The following SRP54 variants were observed in gnomAD, a reference collection of about 807,000 sequenced individuals.
SRP54 encodes signal recognition particle subunit SRP54.
A neutral mutation model predicts 64.8 loss-of-function variants in SRP54; 10 were observed. The ratio of observed to expected loss-of-function variants is 0.15; its 90% confidence interval spans 0.10 to 0.26. The LOEUF (loss-of-function observed/expected upper bound fraction) is 0.26. Among genes scored for constraint, SRP54 ranks in the 10% least tolerant of loss-of-function variants. SRP54 has a pLI of 1.00. For synonymous variants in SRP54, 193 were observed against 185.6 expected, an observed-to-expected ratio of 1.04 and a Z score of -0.32; for missense variants, 325 against 613.7, an observed-to-expected ratio of 0.53 and a Z score of 4.97.
chr14:34,988,594 T>TATATATAA lies in SRP54; in HGVS notation c.-34+5380_-34+5381insTATATAAA, dbSNP rs1420297304. Among the ~76,000 whole-genome samples the TATATATAA allele has an allele frequency of 4.9e-4, 59 of 119,342 alleles. 1 individual carries two copies. Among genetic ancestry groups the TATATATAA allele is most frequent in the African/African-American group, 1.8e-3 (59 of 33,146 alleles). The allele number at this position is 119,342 out of a possible 152,430, so 78.3% of individuals were successfully genotyped here. A position where few individuals can be genotyped will look rare whatever the true frequency, so the allele number is the denominator to read the frequency against. ...AAAAAAAAAAATATATATATATATA[T>TATATATAA]AACATATATATATATAATGTATATA... On this transcript the variant is annotated intron_variant, in intron 1 of 15. Coordinates refer to ENST00000216774, the MANE Select transcript of SRP54 (RefSeq NM_003136.4).
At chr14:35,014,290 T>TTTTTTTTTTTTTTTTTTTTTTTGTTTTTG (rs376712278) in intron 10 of SRP54, among the ~76,000 whole-genome samples, 1 of 127,284 alleles carries the variant, frequency 7.9e-6, no homozygotes, top group East Asian at 2.7e-4. Flanking sequence ...TTTTTTTTTT[T>TTTTTTTTTTTTTTTTTTTTTTTGTTTTTG]TTTTGAGACG....
Position 34,999,570 on chromosome 14 carries a change from A to G in SRP54, c.91A>G (p.Met31Val). 5 of 1,611,798 alleles carry G rather than the reference A, an allele frequency of 3.1e-6. No individual in the cohort carries two copies. The highest frequency in any genetic ancestry group is 4.2e-6 in the Non-Finnish European group (5 of 1,178,474). Residue 31 changes from methionine (M) to valine (V), a missense_variant, in exon 3 of 16, where the codon ATG becomes GTG. Met to Val is a conservative substitution (Grantham distance 21). This residue lies in a region of SRP54 where 156 missense variants were observed against 254.6 expected (regional missense o/e 0.61). Coordinates refer to ENST00000216774, the MANE Select transcript of SRP54 (RefSeq NM_003136.4). ...TCTTTATTTTCAGGTATTGAATGCT[A>G]TGCTAAAAGAAGTCTGTACCGCTTT... is the stretch of plus-strand genomic sequence containing the variant. ...TIINEEVLNA[M>V]LKEVCTALLE...
chr14:35,019,684 T>A (rs1039553329), intron 13 of SRP54, among the ~76,000 whole-genome samples: 1 of 152,118 alleles, frequency 6.6e-6, no homozygotes, highest in African/African-American at 2.4e-5. Context: ...CCTGACCCTA[T>A]AAAGGCATGC....
At chr14:34,992,759 A>G (rs12050447) in intron 1 of SRP54, among the ~76,000 whole-genome samples, 30,000 of 152,092 alleles carry the variant, frequency 0.2, 3,206 homozygotes, top group East Asian at 0.38. Flanking sequence ...CAGTGTAACA[A>G]ACATACACAT....
chr14:34,986,869 C>G (rs1367778215), intron 1 of SRP54, among the ~76,000 whole-genome samples: 2 of 146,452 alleles, frequency 1.4e-5, no homozygotes, highest in African/African-American at 5.1e-5. Context: ...GAGTGAGACT[C>G]TGTCTCAAAA....
In SRP54 at chr14:35,018,679, C is replaced by A. The variant is rs751812594; in HGVS notation, c.974-13C>A. 2 of 1,599,846 alleles carry A rather than the reference C, an allele frequency of 1.3e-6. No individual in the cohort carries two copies. The highest frequency in any genetic ancestry group is 2.3e-5 in the South Asian group (2 of 88,100). ...TACTTTAATATATCCGAATTATTTA[C>A]ATTGTATTTCAGGTCAGTTTACGTT... On this transcript the variant is annotated splice_polypyrimidine_tract_variant and intron_variant, in intron 11 of 15. Transcript: ENST00000216774.
intron 1 of SRP54, among the ~76,000 whole-genome samples, chr14:34,996,064 CAA>C (rs201959550): frequency 6.5e-4 from 78 of 119,506 alleles, no homozygotes; most frequent in Non-Finnish European, 4.9e-4. Flanking sequence ...GACCCTGTCT[CAA>C]AAAAAAAAAA....
In SRP54 at chr14:35,008,598, A is replaced by T. The variant is rs199909535; in HGVS notation, c.361-29A>T. 3.5e-6 allele frequency: 5 copies of T among 1,419,248 alleles called. No homozygotes were observed. The East Asian group carries it at 1.2e-4, about 35-fold the overall frequency. The allele number at this position is 1,419,248 out of a possible 1,614,324, so 87.9% of individuals were successfully genotyped here. Reference sequence around the variant, plus strand: ...TGTATAGTTTGTTATATTTTATGATATTATATTTTTAAATCTTTTCTCACC... The same window carrying T: ...TGTATAGTTTGTTATATTTTATGATTTTATATTTTTAAATCTTTTCTCACC... On this transcript the variant is annotated intron_variant, in intron 5 of 15. Coordinates refer to ENST00000216774, the MANE Select transcript of SRP54 (RefSeq NM_003136.4).
chr14:35,009,922 G>A (rs1363031391), intron 7 of SRP54, among the ~76,000 whole-genome samples: 2 of 151,954 alleles, frequency 1.3e-5, no homozygotes, highest in African/African-American at 4.8e-5. Flanking sequence ...GGCTGAGGCG[G>A]GCGGATTATG....
In SRP54 at chr14:35,004,035, A is replaced by G. The variant is rs2044219830; in HGVS notation, c.255+3015A>G. On this transcript the variant is annotated intron_variant, in intron 4 of 15. Coordinates refer to ENST00000216774, the MANE Select transcript of SRP54 (RefSeq NM_003136.4). ...CAAGGCAGGTGGATCACCTGAGGTC[A>G]GGAGTTTGAGACCAGCCTGACCAAC... 2.0e-5 allele frequency among the ~76,000 whole-genome samples: 3 copies of G among 151,984 alleles called. No individual in the cohort carries two copies. In the South Asian group the frequency reaches 6.2e-4, roughly 32 times the overall value.
chr14:34,990,964 C>T (rs1006595950), intron 1 of SRP54, among the ~76,000 whole-genome samples: 2 of 152,014 alleles, frequency 1.3e-5, no homozygotes, highest in Admixed American at 6.6e-5. Flanking sequence ...TCCCTAAGGC[C>T]TTAAATACAT....
chr14:35,002,077 G>A (rs561064601), intron 4 of SRP54, among the ~76,000 whole-genome samples: 6 of 151,964 alleles, frequency 3.9e-5, no homozygotes, highest in East Asian at 1.9e-4. Context: ...GGTGCAGGCC[G>A]GGTGCAGTGG....
chr14:35,007,510 TATA>T (rs1432217732), intron 5 of SRP54, 123 bp downstream of exon 5: 1 of 247,484 alleles, frequency 4.0e-6, no homozygotes, highest in Admixed American at 5.8e-5. Context: ...TTTTATTAAT[TATA>T]ATTATTAGAA....
chr14:35,009,904 C>T (rs551154208), intron 7 of SRP54, among the ~76,000 whole-genome samples: 5 of 152,072 alleles, frequency 3.3e-5, no homozygotes, highest in African/African-American at 9.6e-5. Flanking sequence ...GGGCGCACCA[C>T]GTTGGGAGGC....
chr14:34,986,935 TTA>T (rs2043904294), intron 1 of SRP54, among the ~76,000 whole-genome samples: 1 of 151,188 alleles, frequency 6.6e-6, no homozygotes, highest in Non-Finnish European at 1.5e-5. Context: ...TTTTAACAGT[TTA>T]TTAAAATATA....
At chr14:35,008,884 CTTT>C (rs35812379) in intron 7 of SRP54, 53 bp downstream of exon 7, 8,638 of 667,240 alleles carry the variant, frequency 0.013, no homozygotes, top group Middle Eastern at 0.016. Context: ...TGTCTGTCAG[CTTT>C]TTTTTTTTTT....
intron 4 of SRP54, chr14:35,004,696 C>G (rs2044229719): frequency 6.6e-6 from 1 of 151,966 alleles, no homozygotes; most frequent in South Asian, 2.1e-4. Flanking sequence ...AATAATGGGT[C>G]CATAGAGAGC....
chr14:34,991,642 G>A (rs997848833), intron 1 of SRP54, among the ~76,000 whole-genome samples: 1 of 150,970 alleles, frequency 6.6e-6, no homozygotes, highest in Non-Finnish European at 1.5e-5. Context: ...AGAGCATGCT[G>A]GCTAGTACCG....
intron 5 of SRP54, 99 bp downstream of exon 5, chr14:35,007,486 T>C: frequency 2.7e-6 from 1 of 375,388 alleles, no homozygotes. Flanking sequence ...GGCTTTATAA[T>C]GTTGAAATAT....
Sources: gnomAD v4.1 joint callset for allele counts (sites outside exome capture counted in the v4.1 genomes callset) on GRCh38, gnomAD v4.1.1 for gene constraint, gnomAD v4.1.1 regional missense constraint, MANE v1.5 for transcripts, NCBI Gene and HGNC (gene_info 2026-07-23, HGNC 2026-07-21) for gene names.